SERF2: variants seen among roughly 807,000 people sequenced by gnomAD.
SERF2 encodes the protein gastric cancer-related protein VRG107.
In SERF2, 4 loss-of-function variants were observed where a neutral mutation model predicts 10.7. That is an observed-to-expected ratio of 0.37 (90% CI 0.18 to 0.86). SERF2 has a LOEUF of 0.86. Among genes scored for constraint, SERF2 ranks in the 40% least tolerant of loss-of-function variants. The pLI, the probability that SERF2 is intolerant of heterozygous loss-of-function variation, is 0.43. For synonymous variants in SERF2, 26 were observed against 26.0 expected, an observed-to-expected ratio of 1.00 and a Z score of 0.01; for missense variants, 47 against 79.1, an observed-to-expected ratio of 0.59 and a Z score of 1.54.
chr15:43,784,998 T>C (rs2086994540), intron 1 of SERF2, among the ~76,000 whole-genome samples: 1 of 98,092 alleles, frequency 1.0e-5, no homozygotes, highest in Admixed American at 1.2e-4. Context: ...GGTGATCCGC[T>C]CACATCAGCC....
upstream of SERF2, among the ~76,000 whole-genome samples, chr15:43,788,531 G>C (rs1365351814): frequency 6.6e-6 from 1 of 152,138 alleles, no homozygotes; most frequent in African/African-American, 2.4e-5. Flanking sequence ...ACCCAGGCTG[G>C]AGTGCAGTGG....
chr15:43,792,725 C>A, intron 1 of SERF2: 2 of 909,564 alleles, frequency 2.2e-6, no homozygotes, highest in Non-Finnish European at 3.2e-6. Context: ...TGTTTGGGCC[C>A]CACGCCGCCC....
upstream of SERF2, chr15:43,792,130 T>G: frequency 1.8e-6 from 1 of 550,284 alleles, no homozygotes; most frequent in Non-Finnish European, 3.3e-6. Context: ...CGTCCCTACG[T>G]CTCACTCGGG....
At chr15:43,778,341 G>A (rs1596030522) in intron 1 of SERF2, among the ~76,000 whole-genome samples, 2 of 151,672 alleles carry the variant, frequency 1.3e-5, no homozygotes, top group South Asian at 2.1e-4. Flanking sequence ...GTTTCTCTGC[G>A]GCAATATCCT....
At chr15:43,783,361 G>C (rs1298951682) in intron 1 of SERF2, among the ~76,000 whole-genome samples, 1 of 144,952 alleles carries the variant, frequency 6.9e-6, no homozygotes, top group East Asian at 2.1e-4. Context: ...GCAGTGGCAT[G>C]ATCTCGGCTC....
chr15:43,785,907 T>C (rs2087002873), intron 2 of SERF2, among the ~76,000 whole-genome samples: 2 of 151,626 alleles, frequency 1.3e-5, no homozygotes, highest in South Asian at 4.2e-4. Flanking sequence ...GGTTTCACCA[T>C]GTTGGCCAGG....
chr15:43,793,746 A>C lies in SERF2; in HGVS notation c.153A>C (p.Ala51=). ...TCATGCAGCAGAAGCAGAAAAAGGCAAACGAGAAGAAGGAGGAACCCAAGT... is the reference window on the plus strand; with the variant it reads ...TCATGCAGCAGAAGCAGAAAAAGGCCAACGAGAAGAAGGAGGAACCCAAGT... ...SEIMQQKQKK[A]NEKKEEPK The change falls in exon 3 of 3, where the codon GCA becomes GCC. Residue 51 remains alanine (A), a synonymous_variant. Transcript: ENST00000249786. The C allele has an allele frequency of 6.2e-7, 1 of 1,614,226 alleles. No homozygotes were observed. The highest frequency in any genetic ancestry group is 2.2e-5 in the East Asian group (1 of 44,884).
At position 43,777,284 on chromosome 15, in the gene SERF2, T is replaced by C. The variant is rs201436220; in HGVS notation, c.-745T>C. The C allele has an allele frequency of 7.4e-5, 30 of 407,780 alleles. No individual in the cohort carries two copies. In the East Asian group the frequency reaches 2.1e-3, roughly 28 times the overall value. The allele number at this position is 407,780 out of a possible 1,614,324, so 25.3% of individuals were successfully genotyped here. A position where few individuals can be genotyped will look rare whatever the true frequency, so the allele number is the denominator to read the frequency against. On this transcript the variant is annotated 5_prime_UTR_variant, in exon 1 of 5. Transcript: ENST00000381359. ...TGAATTTGGAGTTGCTGTCTCTAAGTGAAAGCTGAACCTGCAACCCCTTGA... is the reference window on the plus strand; with the variant it reads ...TGAATTTGGAGTTGCTGTCTCTAAGCGAAAGCTGAACCTGCAACCCCTTGA...
chr15:43,780,288 C>T (rs575304917), intron 1 of SERF2, among the ~76,000 whole-genome samples: 16 of 151,364 alleles, frequency 1.1e-4, no homozygotes, highest in Admixed American at 2.6e-4. Context: ...TACAGGCGCC[C>T]GCCACCACGC....
upstream of SERF2, among the ~76,000 whole-genome samples, chr15:43,788,788 C>T (rs757954175): frequency 6.6e-6 from 1 of 152,108 alleles, no homozygotes; most frequent in Admixed American, 6.6e-5. Context: ...CTGCCAGGGC[C>T]GAGGTTTCTA....
chr15:43,795,500 G>T lies in SERF2; in HGVS notation c.*1727G>T. On this transcript the variant is annotated 3_prime_UTR_variant, in exon 3 of 3. Coordinates refer to ENST00000249786, the MANE Select transcript of SERF2 (RefSeq NM_001018108.4). ...TGGACTTGGACTGGAGGAGCTGGAG[G>T]GGTTTCTTGGTCAGCTGGCCTCGCA... 1.2e-6 allele frequency: 2 copies of T among 1,614,160 alleles called. No individual in the cohort carries two copies. Among genetic ancestry groups the T allele is most frequent in the Non-Finnish European group, 1.7e-6 (2 of 1,180,026 alleles).
At position 43,795,121 on chromosome 15, in the gene SERF2, A is replaced by G. The variant is rs778103282; in HGVS notation, c.*1348A>G. ...TGGTGCCAGTAACAGCCCCAGATAG[A>G]GGAGTACGCAGGCCCAGCATGAGGC... On this transcript the variant is annotated 3_prime_UTR_variant, in exon 3 of 3. Coordinates refer to ENST00000249786, the MANE Select transcript of SERF2 (RefSeq NM_001018108.4). The G allele has an allele frequency of 9.9e-6, 16 of 1,614,068 alleles. No homozygotes were observed. The East Asian group carries it at 3.6e-4, about 36-fold the overall frequency.
At chr15:43,786,996 G>GTTT (rs1477836320) in intron 2 of SERF2, among the ~76,000 whole-genome samples, 2 of 87,266 alleles carry the variant, frequency 2.3e-5, no homozygotes, top group African/African-American at 3.7e-5. Context: ...GCCTGGGTTC[G>GTTT]TTTTTTTGTT....
At chr15:43,791,526 C>T (rs1450314968), upstream of SERF2, among the ~76,000 whole-genome samples, 1 of 152,190 alleles carries the variant, frequency 6.6e-6, no homozygotes, top group African/African-American at 2.4e-5. Context: ...TGAGCCACCA[C>T]GCCCGGCCCT....
upstream of SERF2, among the ~76,000 whole-genome samples, chr15:43,791,038 G>C (rs1164155692): frequency 1.3e-5 from 2 of 150,768 alleles, no homozygotes; most frequent in Non-Finnish European, 2.9e-5. Flanking sequence ...AAAGTGCTGG[G>C]ATTACAGGCG....
rs1802422 is a variant in SERF2, at chr15:43,793,838, C to T, written c.*65C>T. The T allele has an allele frequency of 1.9e-6, 3 of 1,613,832 alleles. No homozygotes were observed. Among genetic ancestry groups the T allele is most frequent in the Non-Finnish European group, 2.5e-6 (3 of 1,179,942 alleles). ...TGTGCCTGGAGCCAGTCCCACCACGCTCGCGTTTCCTCCTGTAGTGCTCAC... is the reference window on the plus strand; with the variant it reads ...TGTGCCTGGAGCCAGTCCCACCACGTTCGCGTTTCCTCCTGTAGTGCTCAC... On this transcript the variant is annotated 3_prime_UTR_variant, in exon 3 of 3. Transcript: ENST00000249786.
In SERF2 at chr15:43,795,024, T is replaced by C. The variant is rs1258419521; in HGVS notation, c.*1251T>C. On this transcript the variant is annotated 3_prime_UTR_variant, in exon 3 of 3. Coordinates refer to ENST00000249786, the MANE Select transcript of SERF2 (RefSeq NM_001018108.4). ...CTTAGACTGGAGGATATTTGTTATCTGGGGATATGATGCGGTGGCGGCGGC... is the reference window on the plus strand; with the variant it reads ...CTTAGACTGGAGGATATTTGTTATCCGGGGATATGATGCGGTGGCGGCGGC... The C allele has an allele frequency of 6.2e-7, 1 of 1,610,996 alleles. No individual in the cohort carries two copies. Among genetic ancestry groups the C allele is most frequent in the Admixed American group, 1.7e-5 (1 of 59,866 alleles).
rs2087167102 is a variant in SERF2 at position 43,794,914 on chromosome 15, T to C, written c.*1141T>C. On this transcript the variant is annotated 3_prime_UTR_variant, in exon 3 of 3. Transcript: ENST00000249786. ...AACGGAGATAACTCCCTGTGTGTCCTTGAGGTATTGAGCTGGGCTGGACAG... is the reference window on the plus strand; with the variant it reads ...AACGGAGATAACTCCCTGTGTGTCCCTGAGGTATTGAGCTGGGCTGGACAG... 5 of 1,005,002 alleles carry C rather than the reference T, an allele frequency of 5.0e-6. No individual in the cohort carries two copies. In the East Asian group the frequency reaches 9.5e-5, roughly 19 times the overall value. 62.3% of individuals were successfully genotyped at this position (1,005,002 alleles called of 1,614,324 possible).
At chr15:43,788,179 T>C (rs903369415), upstream of SERF2, among the ~76,000 whole-genome samples, 1 of 148,694 alleles carries the variant, frequency 6.7e-6, no homozygotes, top group Admixed American at 6.7e-5. Context: ...TCAGCCTAAT[T>C]TTTAAATTTT....
Sources: gnomAD v4.1 joint callset for allele counts (sites outside exome capture counted in the v4.1 genomes callset) on GRCh38, gnomAD v4.1.1 for gene constraint, MANE v1.5 for transcripts, NCBI Gene and HGNC (gene_info 2026-07-23, HGNC 2026-07-21) for gene names.